The following ZNF827 variants were observed in gnomAD, a reference collection of about 807,000 sequenced individuals.
ZNF827 encodes zinc finger protein 827.
In ZNF827, 13 loss-of-function variants were observed where a neutral mutation model predicts 102.4. The observed-to-expected ratio is 0.13, with a 90% CI of 0.08 to 0.20. The LOEUF (loss-of-function observed/expected upper bound fraction) is 0.20, where lower values mean the gene tolerates loss of function less well. ZNF827 is among the 10% of genes least tolerant of loss of function. The pLI is 1.00. For missense variants in ZNF827, 1,103 were observed against 1,344.4 expected (o/e 0.82, Z 2.81); for synonymous variants, 523 against 536.2 (o/e 0.98, Z 0.34).
chr4:145,775,695 G>T, intron 10 of ZNF827, 94 bp downstream of exon 10: 1 of 1,452,812 alleles, frequency 6.9e-7, no homozygotes, highest in Non-Finnish European at 9.5e-7. Flanking sequence ...CTGAGAAAAG[G>T]GGCCTCGTGA....
intron 2 of ZNF827, among the ~76,000 whole-genome samples, chr4:145,900,386 AAT>A (rs772246875): frequency 2.0e-5 from 3 of 152,074 alleles, no homozygotes; most frequent in Non-Finnish European, 2.9e-5. Context: ...AGATATGCAG[AAT>A]ATACATATAT....
At position 145,823,438 on chromosome 4, in the gene ZNF827, T is replaced by G. The variant is rs1227770291; in HGVS notation, c.2367A>C (p.Gly789=). 2 of 1,613,736 alleles carry G rather than the reference T, an allele frequency of 1.2e-6. No individual in the cohort carries two copies. Among genetic ancestry groups the G allele is most frequent in the Non-Finnish European group, 1.7e-6 (2 of 1,179,864 alleles). ...ELLPSDSVLH[G]RISAPETEKI... The stretch of plus-strand genomic sequence containing the variant: ...TTTCCATACCTGGAGCTGATATTCT[T>G]CCGTGCAGCACGGAGTCACTGGGCA... The change falls in exon 8 of 15, where the codon GGA becomes GGC. Residue 789 remains glycine (G), a synonymous_variant. Coordinates refer to ENST00000508784, the MANE Select transcript of ZNF827 (RefSeq NM_001306215.2).
intron 7 of ZNF827, among the ~76,000 whole-genome samples, chr4:145,833,893 T>C (rs142847076): frequency 0.041 from 6,149 of 151,352 alleles, 377 homozygotes; most frequent in African/African-American, 0.14. Flanking sequence ...CTTATCTCTG[T>C]GCCCCAACCC....
intron 1 of ZNF827, among the ~76,000 whole-genome samples, chr4:145,936,488 C>A (rs1337552173): frequency 1.3e-5 from 2 of 152,114 alleles, no homozygotes; most frequent in Non-Finnish European, 2.9e-5. Context: ...AACCCAAGCC[C>A]TTTGCGTCGA....
At chr4:145,912,903 G>A (rs1053653916) in intron 1 of ZNF827, among the ~76,000 whole-genome samples, 16 of 152,174 alleles carry the variant, frequency 1.1e-4, no homozygotes, top group Admixed American at 8.5e-4. Flanking sequence ...ACTAATATAA[G>A]TATATTTGGA....
At chr4:145,909,486 T>C (rs868481962) in intron 1 of ZNF827, among the ~76,000 whole-genome samples, 1 of 152,226 alleles carries the variant, frequency 6.6e-6, no homozygotes, top group African/African-American at 2.4e-5. Flanking sequence ...CAACCGGTTC[T>C]GGGTTTTCAC....
At chr4:145,844,921 TG>T (rs1259933827) in intron 7 of ZNF827, among the ~76,000 whole-genome samples, 1 of 152,180 alleles carries the variant, frequency 6.6e-6, no homozygotes, top group Admixed American at 6.5e-5. Context: ...TTGTACCTTT[TG>T]TTGCAAGAAT....
chr4:145,910,540 T>C (rs1251055036), intron 1 of ZNF827, among the ~76,000 whole-genome samples: 1 of 152,138 alleles, frequency 6.6e-6, no homozygotes, highest in Admixed American at 6.6e-5. Flanking sequence ...CTTTGCACCA[T>C]TTCCACCACT....
intron 5 of ZNF827, among the ~76,000 whole-genome samples, chr4:145,855,543 C>T (rs1428063964): frequency 6.6e-6 from 1 of 151,934 alleles, no homozygotes; most frequent in African/African-American, 2.4e-5. Context: ...TTGGGACTGG[C>T]ACCCGCTGGC....
intron 8 of ZNF827, among the ~76,000 whole-genome samples, chr4:145,790,729 A>G (rs1739562230): frequency 6.6e-6 from 1 of 152,204 alleles, no homozygotes; most frequent in Non-Finnish European, 1.5e-5. Flanking sequence ...AGCCCTTATC[A>G]GCTCCCAGAC....
intron 5 of ZNF827, among the ~76,000 whole-genome samples, chr4:145,861,770 C>T (rs1747756195): frequency 6.6e-6 from 1 of 152,150 alleles, no homozygotes; most frequent in Admixed American, 6.5e-5. Context: ...CTGAAGCAGT[C>T]CAACAGAAAA....
intron 8 of ZNF827, among the ~76,000 whole-genome samples, chr4:145,802,934 T>G (rs1034682532): frequency 3.9e-5 from 6 of 152,178 alleles, no homozygotes; most frequent in Non-Finnish European, 7.4e-5. Flanking sequence ...GTTGAGACTC[T>G]GTCTCACAAA....
chr4:145,790,640 A>AGGG (rs1739548205), intron 8 of ZNF827, among the ~76,000 whole-genome samples: 1 of 152,122 alleles, frequency 6.6e-6, no homozygotes, highest in Admixed American at 6.6e-5. Flanking sequence ...TGGTATCCTC[A>AGGG]ATTATTCTAG....
chr4:145,827,831 A>G (rs527824909), intron 7 of ZNF827, among the ~76,000 whole-genome samples: 8 of 152,344 alleles, frequency 5.3e-5, no homozygotes, highest in African/African-American at 1.9e-4. Context: ...AAGACACTCC[A>G]TGTGTAACTT....
chr4:145,899,262 C>T (rs369119811), intron 2 of ZNF827, among the ~76,000 whole-genome samples: 1 of 152,070 alleles, frequency 6.6e-6, no homozygotes, highest in South Asian at 2.1e-4. Context: ...CCCAATCCAG[C>T]CCCAGGTGGC....
intron 1 of ZNF827, among the ~76,000 whole-genome samples, chr4:145,916,416 A>C (rs1752671835): frequency 6.6e-6 from 1 of 152,182 alleles, no homozygotes. Flanking sequence ...AAAGACTTAC[A>C]GCAGCCCTAG....
chr4:145,890,695 C>T (rs1436651613), intron 3 of ZNF827, among the ~76,000 whole-genome samples: 3 of 152,128 alleles, frequency 2.0e-5, no homozygotes, highest in African/African-American at 7.2e-5. Context: ...GAAGTCTCAT[C>T]CTGCTAACGA....
At chr4:145,829,319 A>C (rs1743975137) in intron 7 of ZNF827, among the ~76,000 whole-genome samples, 1 of 152,204 alleles carries the variant, frequency 6.6e-6, no homozygotes, top group South Asian at 2.1e-4. Flanking sequence ...TAAATGTAAG[A>C]GTTTCTGGCA....
At chr4:145,823,641 C>T (rs980203488) in intron 7 of ZNF827, 116 bp from the exon 8 acceptor site, 20 of 689,454 alleles carry the variant, frequency 2.9e-5, no homozygotes, top group East Asian at 5.2e-5. Flanking sequence ...CTGTTTGCAA[C>T]GGTGTTTAGT....
Sources: allele counts gnomAD v4.1 joint callset (sites outside exome capture counted in the v4.1 genomes callset), GRCh38; gene constraint gnomAD v4.1.1; transcripts MANE v1.5; gene names NCBI Gene and HGNC (gene_info 2026-07-23, HGNC 2026-07-21).